The following MYH4 variants were observed in gnomAD, a reference collection of about 807,000 sequenced individuals.
MYH4 encodes the protein myosin heavy chain 4, also known as myosin-4.
Under a neutral mutation model 229.9 loss-of-function variants are expected in MYH4, and 200 were observed. That is an observed-to-expected ratio of 0.87 (90% CI 0.78 to 0.98). The LOEUF is 0.98. Among genes scored for constraint, MYH4 ranks in the 50% least tolerant of loss-of-function variants. The pLI is 0.00. For synonymous variants in MYH4, 761 were observed against 834.6 expected (o/e 0.91, Z 1.52); for missense variants, 2,148 against 2,332.6 (o/e 0.92, Z 1.63).
In MYH4 at chr17:10,450,892, T is replaced by A. The variant is rs773726393; in HGVS notation, c.3869A>T (p.Glu1290Val). The A allele has an allele frequency of 1.9e-6, 3 of 1,611,196 alleles. No homozygotes were observed. In the South Asian group the frequency reaches 3.3e-5, roughly 18 times the overall value. The change falls in exon 29 of 40, where the codon GAG (glutamate) becomes GTG (valine). Residue 1290 changes from glutamate (E) to valine (V), a missense_variant. By Grantham distance (121) the Glu-to-Val change is moderately radical. Transcript: ENST00000255381. ...QKARLHTESG[E>V]FSRQLDEKDA... Reference sequence around the variant, plus strand: ...TTTTTCATCTAGCTGTCGTGAAAACTCACCTGTGGAAGACAAAACATCAAT... The same window carrying A: ...TTTTTCATCTAGCTGTCGTGAAAACACACCTGTGGAAGACAAAACATCAAT...
Position 10,447,827 on chromosome 17 carries a change from T to A in MYH4, c.4956A>T (p.Gly1652=). 6.2e-7 allele frequency: 1 copy of A among 1,610,412 alleles called. No individual in the cohort carries two copies. Among genetic ancestry groups the A allele is most frequent in the South Asian group, 1.1e-5 (1 of 90,358 alleles). Residue 1652 remains glycine (G), a synonymous_variant, in exon 34 of 40, where the codon GGA becomes GGT. Transcript: ENST00000255381. ...ATTTACCCCAGCATACCTTCAGTAT[T>A]CCTTGTGTGTTTCTAAGATTCCTTA... ...EALRNLRNTQ[G]ILKDTQLHLD... is the part of the protein sequence containing the mutation.
chr17:10,445,319 A>G lies in MYH4; in HGVS notation c.5213T>C (p.Ile1738Thr). 1 of 1,614,036 alleles carries G rather than the reference A, an allele frequency of 6.2e-7. No homozygotes were observed. Among genetic ancestry groups the G allele is most frequent in the Non-Finnish European group, 8.5e-7 (1 of 1,179,996 alleles). The change falls in exon 36 of 40, where the codon ATT (isoleucine) becomes ACT (threonine). Residue 1738 changes from isoleucine to threonine, a missense_variant. Ile to Thr is a moderately conservative substitution (Grantham distance 89, BLOSUM62 -1). Transcript: ENST00000255381. ...INTKKKLETD[I>T]SQIQGEMEDI... ...CTCCATCTCTCCCTGGATTTGGGAA[A>G]TGTCTGTTTCCAGCTTCTTCTTGGT...
chr17:10,446,671 T>C (rs913705765), intron 35 of MYH4, among the ~76,000 whole-genome samples: 25 of 152,346 alleles, frequency 1.6e-4, no homozygotes, highest in African/African-American at 5.5e-4. Flanking sequence ...TGGCTTTTTG[T>C]TTTTCTCCTC....
intron 28 of MYH4, 103 bp from the exon 29 acceptor site, chr17:10,450,998 A>C (rs974677603): frequency 2.9e-6 from 3 of 1,029,874 alleles, no homozygotes; most frequent in Non-Finnish European, 4.3e-6. Flanking sequence ...ATGATGAAAA[A>C]ACCCCTCAAG....
Position 10,448,901 on chromosome 17 carries a change from C to T in MYH4, c.4328G>A (p.Cys1443Tyr). The change falls in exon 31 of 40, where the codon TGC becomes TAC. Residue 1443 changes from cysteine (C) to tyrosine (Y), a missense_variant. Cys to Tyr is a radical substitution (Grantham distance 194, BLOSUM62 -2). Coordinates refer to ENST00000255381, the MANE Select transcript of MYH4 (RefSeq NM_017533.2). ...MIDVERSNAA[C>Y]IALDKKQRNF... ...TCTTTGCTTCTTATCGAGAGCTATG[C>T]AGGCAGCATTAGATCGTTCCACATC... 1 of 1,614,160 alleles carries T rather than the reference C, an allele frequency of 6.2e-7. No individual in the cohort carries two copies. The highest frequency in any genetic ancestry group is 2.2e-5 in the East Asian group (1 of 44,880).
intron 11 of MYH4, among the ~76,000 whole-genome samples, 193 bp from the exon 12 acceptor site, chr17:10,461,247 T>A (rs1381229619): frequency 6.6e-6 from 1 of 152,162 alleles, no homozygotes; most frequent in Non-Finnish European, 1.5e-5. Context: ...TGCATCAGTC[T>A]TTCCATTTGA....
At chr17:10,465,035 C>T (rs1015841609) in intron 5 of MYH4, among the ~76,000 whole-genome samples, 2 of 152,120 alleles carry the variant, frequency 1.3e-5, no homozygotes, top group African/African-American at 4.8e-5. Context: ...ATGTCAATGT[C>T]CAATTTAAAG....
intron 35 of MYH4, among the ~76,000 whole-genome samples, chr17:10,445,860 C>G (rs1269326193): frequency 6.6e-6 from 1 of 151,786 alleles, no homozygotes; most frequent in East Asian, 1.9e-4. Flanking sequence ...AACCCCGTCT[C>G]TACTAAAAAT....
chr17:10,447,687 A>T, intron 34 of MYH4, 131 bp downstream of exon 34: 1 of 908,900 alleles, frequency 1.1e-6, no homozygotes, highest in South Asian at 1.8e-5. Flanking sequence ...TGTGTGTATA[A>T]CTTTGAACTT....
rs530841686 is a variant in MYH4 at position 10,468,316 on chromosome 17, A to G, written c.-40+972T>C. 2.8e-3 allele frequency among the ~76,000 whole-genome samples: 430 copies of G among 152,260 alleles called. 3 individuals are homozygous for G. The highest frequency in any genetic ancestry group is 4.6e-3 in the Non-Finnish European group (315 of 68,024). ...CCCTTCCCATCTCCTGTCTTATTAT[A>G]GATTAATTGTTTCCCAACTTGGGGA... On this transcript the variant is annotated intron_variant, in intron 2 of 39. Coordinates refer to ENST00000255381, the MANE Select transcript of MYH4 (RefSeq NM_017533.2).
At chr17:10,463,441 T>G (rs1250309358) in intron 8 of MYH4, 40 bp from the exon 9 acceptor site, 1 of 1,592,716 alleles carries the variant, frequency 6.3e-7, no homozygotes, top group Non-Finnish European at 8.6e-7. Context: ...CACATTAAAA[T>G]CAGAAACTAT....
At chr17:10,459,820 A>G in intron 14 of MYH4, 132 bp downstream of exon 14, 4 of 1,531,804 alleles carry the variant, frequency 2.6e-6, no homozygotes, top group East Asian at 2.3e-5. Context: ...TTTACTTTTC[A>G]TATCTTTTCA....
chr17:10,452,102 C>A lies in MYH4; in HGVS notation c.3577G>T (p.Ala1193Ser), dbSNP rs1297047217. The A allele has an allele frequency of 6.2e-7, 1 of 1,614,008 alleles. No individual in the cohort carries two copies. The highest frequency in any genetic ancestry group is 1.7e-5 in the Admixed American group (1 of 60,018). The stretch of plus-strand genomic sequence containing the variant: ...GCGTGCTTCTTCCGAAGAGCAGCTG[C>A]CGTGGCTTCGTGCTGCAGGGTGGAC... ...EESTLQHEATAAALRKKHADS... is the reference protein window; with the variant it reads ...EESTLQHEATSAALRKKHADS... The change falls in exon 27 of 40, where the codon GCA (alanine) becomes TCA (serine). Residue 1193 changes from alanine to serine, a missense_variant. Ala to Ser is a moderately conservative substitution (Grantham distance 99, BLOSUM62 1). Coordinates refer to ENST00000255381, the MANE Select transcript of MYH4 (RefSeq NM_017533.2).
rs538325882 is a variant in MYH4, at chr17:10,451,037, C to T, written c.3866-142G>A. On this transcript the variant is annotated intron_variant, in intron 28 of 39. Transcript: ENST00000255381. ...TTCAGTGATGTTGAGAAGGTTATTT[C>T]TTGCTTTTTAAAAAATGTATGAGTT... 4.7e-4 allele frequency: 406 copies of T among 861,204 alleles called. 3 individuals are homozygous for T. The African/African-American group carries it at 5.8e-3, about 12-fold the overall frequency. 53.3% of individuals were successfully genotyped at this position (861,204 alleles called of 1,614,324 possible).
intron 26 of MYH4, 31 bp from the exon 27 acceptor site, chr17:10,452,361 T>C: frequency 6.2e-7 from 1 of 1,614,144 alleles, no homozygotes; most frequent in Non-Finnish European, 8.5e-7. Context: ...TTAATGTGAA[T>C]TTATGTCAGT....
chr17:10,448,539 A>G lies in MYH4; in HGVS notation c.4532-19T>C, dbSNP rs1333191774. 2.5e-6 allele frequency: 4 copies of G among 1,611,082 alleles called. No individual in the cohort carries two copies. In the African/African-American group the frequency reaches 5.4e-5, roughly 22 times the overall value. ...ATCTCCTCTGTAATAATAAAGTACC[A>G]AATTTCAGTTAAGTAGAAAGAAAAA... On this transcript the variant is annotated intron_variant, in intron 32 of 39. Transcript: ENST00000255381.
chr17:10,453,617 A>G, intron 23 of MYH4, 26 bp downstream of exon 23: 1 of 1,612,910 alleles, frequency 6.2e-7, no homozygotes, highest in Non-Finnish European at 8.5e-7. Flanking sequence ...GCTTATAAAT[A>G]TTCTAAAATG....
At position 10,454,655 on chromosome 17, in the gene MYH4, T is replaced by C. The variant is rs2072617182; in HGVS notation, c.2591A>G (p.Lys864Arg). ...TGCCTCTGTCTTAGCCAGCTCTTCT[T>C]TGGTTTTCTCAAATTCTTCCTTCAT... ...ANMKEEFEKT[K>R]EELAKTEAKR... Residue 864 changes from lysine (K) to arginine (R), a missense_variant, in exon 22 of 40, where the codon AAA becomes AGA. By Grantham distance (26) the Lys-to-Arg change is conservative. Coordinates refer to ENST00000255381, the MANE Select transcript of MYH4 (RefSeq NM_017533.2). 6.2e-7 allele frequency: 1 copy of C among 1,614,106 alleles called. No individual in the cohort carries two copies. The highest frequency in any genetic ancestry group is 8.5e-7 in the Non-Finnish European group (1 of 1,180,044).
chr17:10,449,116 G>T, intron 30 of MYH4, 69 bp from the exon 31 acceptor site: 1 of 1,351,906 alleles, frequency 7.4e-7, no homozygotes, highest in South Asian at 1.3e-5. Flanking sequence ...TTATAAAGCT[G>T]CTGACTAGGA....
Sources: allele counts gnomAD v4.1 joint callset (sites outside exome capture counted in the v4.1 genomes callset), GRCh38; gene constraint gnomAD v4.1.1; transcripts MANE v1.5; gene names NCBI Gene and HGNC (gene_info 2026-07-23, HGNC 2026-07-21).